MMP16: variants seen among roughly 807,000 people sequenced by gnomAD.
MMP16 encodes the protein matrix metallopeptidase 16.
In MMP16, 12 loss-of-function variants were observed where a neutral mutation model predicts 67.8. The observed-to-expected ratio is 0.18, with a 90% CI of 0.11 to 0.29. The LOEUF (loss-of-function observed/expected upper bound fraction) is 0.29, where lower values mean the gene tolerates loss of function less well. Among genes scored for constraint, MMP16 ranks in the 10% least tolerant of loss-of-function variants. The probability of loss-of-function intolerance (pLI) is 1.00; values close to 1 mark genes in which losing one functional copy is unlikely to be tolerated. For synonymous variants in MMP16, 249 were observed against 255.9 expected (o/e 0.97, Z 0.26); for missense variants, 475 against 765.7 (o/e 0.62, Z 4.48).
At chr8:88,298,866 G>C (rs917275198) in intron 1 of MMP16, among the ~76,000 whole-genome samples, 1 of 151,986 alleles carries the variant, frequency 6.6e-6, no homozygotes. Flanking sequence ...GAGGAATCAA[G>C]TTGAATTTCA....
intron 1 of MMP16, among the ~76,000 whole-genome samples, chr8:88,251,967 T>C (rs1231262954): frequency 1.7e-5 from 2 of 114,368 alleles, no homozygotes; most frequent in Non-Finnish European, 3.6e-5. Context: ...CCAGTTAGAA[T>C]GGCGATCATT....
chr8:88,300,789 G>A (rs907061001), intron 1 of MMP16, among the ~76,000 whole-genome samples: 9 of 152,048 alleles, frequency 5.9e-5, no homozygotes, highest in African/African-American at 1.7e-4. Flanking sequence ...AGAGAGAATC[G>A]GAAAGTACAG....
intron 8 of MMP16, among the ~76,000 whole-genome samples, chr8:88,050,517 A>G (rs537013020): frequency 6.6e-6 from 1 of 152,302 alleles, no homozygotes; most frequent in African/African-American, 2.4e-5. Flanking sequence ...TTATATACAT[A>G]TATTGTTGTG....
intron 4 of MMP16, among the ~76,000 whole-genome samples, chr8:88,153,538 A>T (rs1293198958): frequency 6.6e-6 from 1 of 152,148 alleles, no homozygotes; most frequent in Non-Finnish European, 1.5e-5. Flanking sequence ...ATGGAACAGA[A>T]CAGAGCCCTC....
At chr8:88,169,092 A>C (rs530228221) in intron 3 of MMP16, among the ~76,000 whole-genome samples, 1 of 152,310 alleles carries the variant, frequency 6.6e-6, no homozygotes, top group East Asian at 1.9e-4. Flanking sequence ...GAGAACTGAA[A>C]CTGAAACAAT....
intron 1 of MMP16, among the ~76,000 whole-genome samples, chr8:88,287,638 T>C (rs756941120): frequency 3.3e-5 from 5 of 152,172 alleles, no homozygotes; most frequent in South Asian, 2.1e-4. Context: ...AAATAATGAA[T>C]ACATAAATGG....
At chr8:88,180,650 T>G (rs1586192175) in intron 3 of MMP16, among the ~76,000 whole-genome samples, 1 of 151,526 alleles carries the variant, frequency 6.6e-6, no homozygotes, top group Non-Finnish European at 1.5e-5. Context: ...TTGATAGAAC[T>G]GCAAAAAAAA....
At chr8:88,233,271 T>C (rs1465862254) in intron 1 of MMP16, among the ~76,000 whole-genome samples, 1 of 152,194 alleles carries the variant, frequency 6.6e-6, no homozygotes, top group African/African-American at 2.4e-5. Context: ...ATAAATTATT[T>C]GCATCTAAGG....
intron 7 of MMP16, among the ~76,000 whole-genome samples, chr8:88,072,950 C>G (rs915300047): frequency 1.3e-5 from 2 of 152,028 alleles, no homozygotes; most frequent in Admixed American, 1.3e-4. Context: ...GAGTGAGGAG[C>G]GGCAAAGCGA....
intron 5 of MMP16, among the ~76,000 whole-genome samples, chr8:88,117,953 T>C (rs1358218997): frequency 6.6e-6 from 1 of 152,094 alleles, no homozygotes; most frequent in East Asian, 1.9e-4. Context: ...TCAAGTTCTT[T>C]GCAACTATGT....
chr8:88,170,553 C>T (rs1283156930), intron 3 of MMP16, among the ~76,000 whole-genome samples: 1 of 152,194 alleles, frequency 6.6e-6, no homozygotes, highest in Non-Finnish European at 1.5e-5. Context: ...GAACTTACTA[C>T]ATAATTGGCA....
At chr8:88,301,971 C>T (rs563966617) in intron 1 of MMP16, among the ~76,000 whole-genome samples, 3 of 152,304 alleles carry the variant, frequency 2.0e-5, no homozygotes, top group East Asian at 1.9e-4. Flanking sequence ...ATCAGTGATA[C>T]TTTCTGAAAT....
intron 1 of MMP16, 48 bp downstream of exon 1, chr8:88,327,027 G>T (rs774668743): frequency 6.8e-6 from 11 of 1,610,134 alleles, no homozygotes; most frequent in Middle Eastern, 1.6e-4. Context: ...AATGTTTCAG[G>T]GAGCAGCCCA....
intron 3 of MMP16, among the ~76,000 whole-genome samples, chr8:88,175,354 T>C (rs1808870281): frequency 6.6e-6 from 1 of 152,212 alleles, no homozygotes; most frequent in Admixed American, 6.5e-5. Flanking sequence ...GGAATAATTA[T>C]TTTTTGAGCT....
intron 1 of MMP16, among the ~76,000 whole-genome samples, chr8:88,275,836 A>G (rs1810641090): frequency 6.6e-6 from 1 of 151,972 alleles, no homozygotes; most frequent in Non-Finnish European, 1.5e-5. Flanking sequence ...ACACTAAAAA[A>G]ACACATAGCA....
Position 88,058,442 on chromosome 8 carries a change from A to C in MMP16, c.1223-2164T>G, listed in dbSNP as rs373877557. Among the ~76,000 whole-genome samples, 33 of 152,258 alleles carry C rather than the reference A, an allele frequency of 2.2e-4. No individual in the cohort carries two copies. Among genetic ancestry groups the C allele is most frequent in the African/African-American group, 7.9e-4 (33 of 41,574 alleles). The stretch of plus-strand genomic sequence containing the variant: ...ACTACTGATAGAGAAGTGAACCAGA[A>C]GGTCAACATCTCTATCTCATGAAGC... On this transcript the variant is annotated intron_variant, in intron 7 of 9. Coordinates refer to ENST00000286614, the MANE Select transcript of MMP16 (RefSeq NM_005941.5). This position sits in a 1 kb window ranked among gnomAD's most constrained non-coding sequence, Gnocchi z 4.2.
In MMP16 at chr8:88,032,310, C is replaced by A. The variant is rs1208038963; in HGVS notation, c.*9151G>T. The stretch of plus-strand genomic sequence containing the variant: ...TGTGGTTAAAGGTTGCCGCAGCAGT[C>A]AAAGGGTTATAGCATTGTAAACATA... On this transcript the variant is annotated 3_prime_UTR_variant, in exon 10 of 10. Coordinates refer to ENST00000286614, the MANE Select transcript of MMP16 (RefSeq NM_005941.5). 6.6e-6 allele frequency: 1 copy of A among 152,172 alleles called. No individual in the cohort carries two copies. The highest frequency in any genetic ancestry group is 1.5e-5 in the Non-Finnish European group (1 of 68,034). 9.4% of individuals were successfully genotyped at this position (152,172 alleles called of 1,614,324 possible).
intron 4 of MMP16, among the ~76,000 whole-genome samples, chr8:88,154,898 C>T (rs1423684265): frequency 2.0e-5 from 3 of 149,618 alleles, no homozygotes; most frequent in Admixed American, 6.7e-5. Context: ...AAAAGAAATA[C>T]GTGTATTATA....
chr8:88,140,622 T>A (rs1332022704), intron 4 of MMP16, among the ~76,000 whole-genome samples: 1 of 152,174 alleles, frequency 6.6e-6, no homozygotes, highest in Non-Finnish European at 1.5e-5. Flanking sequence ...ATGAATAACA[T>A]CCTACTGAAT....
Sources: gnomAD v4.1 joint callset for allele counts (sites outside exome capture counted in the v4.1 genomes callset) on GRCh38, gnomAD v4.1.1 for gene constraint, Gnocchi (gnomAD v3.1) non-coding constraint, MANE v1.5 for transcripts, NCBI Gene and HGNC (gene_info 2026-07-23, HGNC 2026-07-21) for gene names.